Variants in WDFY3 observed in about 807,000 individuals in gnomAD.
WDFY3 encodes the protein WD repeat and FYVE domain containing 3.
A neutral mutation model predicts 409.6 loss-of-function variants in WDFY3; 66 were observed. That is an observed-to-expected ratio of 0.16 (90% CI 0.13 to 0.20). The LOEUF (loss-of-function observed/expected upper bound fraction) is 0.20, where lower values mean the gene tolerates loss of function less well. Among genes scored for constraint, WDFY3 ranks in the 10% least tolerant of loss-of-function variants. The probability of loss-of-function intolerance (pLI) is 1.00; values close to 1 mark genes in which losing one functional copy is unlikely to be tolerated. For missense variants in WDFY3, 3,031 were observed against 4,298.1 expected, an observed-to-expected ratio of 0.71 and a Z score of 8.24; for synonymous variants, 1,521 against 1,537.1, an observed-to-expected ratio of 0.99 and a Z score of 0.25.
chr4:84,703,012 C>A (rs1198614332), intron 55 of WDFY3, among the ~76,000 whole-genome samples: 1 of 151,830 alleles, frequency 6.6e-6, no homozygotes, highest in Admixed American at 6.5e-5. Context: ...AGGAGAATGG[C>A]ATGAACCCCA....
intron 1 of WDFY3, among the ~76,000 whole-genome samples, chr4:84,933,954 T>G (rs1338770127): frequency 1.3e-5 from 2 of 152,144 alleles, no homozygotes; most frequent in African/African-American, 4.8e-5. Flanking sequence ...CATCCGAATC[T>G]TGGTTATTGG....
intron 5 of WDFY3, among the ~76,000 whole-genome samples, chr4:84,849,090 A>G (rs1178230487): frequency 2.0e-5 from 3 of 152,176 alleles, no homozygotes; most frequent in Non-Finnish European, 2.9e-5. Context: ...TTTTTTATAA[A>G]GCTGCTGGAA....
chr4:84,788,970 A>C (rs1748006541), intron 22 of WDFY3, among the ~76,000 whole-genome samples: 1 of 152,194 alleles, frequency 6.6e-6, no homozygotes, highest in African/African-American at 2.4e-5. Flanking sequence ...CGGTGAGCTG[A>C]GATCGTGCCA....
chr4:84,691,639 A>C lies in WDFY3; in HGVS notation c.9196T>G (p.Ser3066Ala). 1.2e-6 allele frequency: 2 copies of C among 1,613,564 alleles called. No individual in the cohort carries two copies. Among genetic ancestry groups the C allele is most frequent in the Non-Finnish European group, 1.7e-6 (2 of 1,179,776 alleles). ...DLSCRLGTYESDKAMTVYECL... is the reference protein window; with the variant it reads ...DLSCRLGTYEADKAMTVYECL... ...CAGGAAATAATGCAAACCTTGTCTG[A>C]CTCATAGGTTCCCAGTCTGCAACTG... The change falls in exon 60 of 68, where the codon TCA becomes GCA. Residue 3066 changes from serine (S) to alanine (A), a missense_variant. By Grantham distance (99) the Ser-to-Ala change is moderately conservative. Transcript: ENST00000295888.
chr4:84,962,435 G>C (rs1775032178), intron 1 of WDFY3, among the ~76,000 whole-genome samples: 1 of 152,108 alleles, frequency 6.6e-6, no homozygotes, highest in Non-Finnish European at 1.5e-5. Flanking sequence ...TGCCAGACGA[G>C]ATAAAACTTT....
intron 4 of WDFY3, among the ~76,000 whole-genome samples, chr4:84,851,429 AT>A (rs1363183039): frequency 6.6e-6 from 1 of 152,160 alleles, no homozygotes; most frequent in Non-Finnish European, 1.5e-5. Context: ...CTCCCTAAAT[AT>A]GGTTGTTTAT....
intron 26 of WDFY3, among the ~76,000 whole-genome samples, chr4:84,779,151 C>G (rs1351711660): frequency 6.6e-6 from 1 of 151,992 alleles, no homozygotes; most frequent in African/African-American, 2.4e-5. Flanking sequence ...TCTCTTATTA[C>G]TGGTATATCT....
At chr4:84,894,335 A>G (rs1300543568) in intron 3 of WDFY3, among the ~76,000 whole-genome samples, 2 of 152,196 alleles carry the variant, frequency 1.3e-5, no homozygotes, top group African/African-American at 4.8e-5. Flanking sequence ...CATGAAAAGT[A>G]TTCTGAATCA....
intron 62 of WDFY3, among the ~76,000 whole-genome samples, chr4:84,686,608 G>A (rs1400856873): frequency 6.6e-6 from 1 of 152,102 alleles, no homozygotes; most frequent in Admixed American, 6.5e-5. Context: ...GTCACTCAAT[G>A]ACATGGCTAG....
intron 6 of WDFY3, among the ~76,000 whole-genome samples, chr4:84,838,701 G>A (rs1756927027): frequency 1.3e-5 from 2 of 152,130 alleles, no homozygotes; most frequent in South Asian, 4.1e-4. Flanking sequence ...TAAACCTTTT[G>A]TTCTATTCAT....
intron 11 of WDFY3, among the ~76,000 whole-genome samples, chr4:84,820,389 G>A (rs781309949): frequency 2.6e-5 from 4 of 151,878 alleles, no homozygotes; most frequent in African/African-American, 9.7e-5. Flanking sequence ...ATTTTATTTC[G>A]GTATGCTTGC....
chr4:84,771,362 T>A (rs763838689), intron 30 of WDFY3, among the ~76,000 whole-genome samples: 3 of 152,202 alleles, frequency 2.0e-5, no homozygotes, highest in Admixed American at 6.5e-5. Context: ...GGTCTTGAAT[T>A]CCTGGACTCA....
chr4:84,674,850 A>G (rs1414463094), intron 67 of WDFY3, among the ~76,000 whole-genome samples: 2 of 152,012 alleles, frequency 1.3e-5, no homozygotes, highest in East Asian at 3.9e-4. Flanking sequence ...CCTGGGTGAC[A>G]GAGTGAGACT....
chr4:84,702,868 G>A (rs1399352955), intron 55 of WDFY3, among the ~76,000 whole-genome samples: 11 of 152,078 alleles, frequency 7.2e-5, no homozygotes, highest in Admixed American at 1.3e-4. Flanking sequence ...AGGCCGAGGC[G>A]GGCGGATCAC....
chr4:84,826,421 C>T (rs904567471), intron 10 of WDFY3, among the ~76,000 whole-genome samples: 1 of 152,058 alleles, frequency 6.6e-6, no homozygotes, highest in Non-Finnish European at 1.5e-5. Context: ...TGGAACCAAT[C>T]CCCCACAGAT....
chr4:84,752,400 C>G (rs2149302745), intron 35 of WDFY3, among the ~76,000 whole-genome samples: 1 of 152,082 alleles, frequency 6.6e-6, no homozygotes, highest in South Asian at 2.1e-4. Context: ...CCTGTAATCT[C>G]AGCTACTCAG....
intron 14 of WDFY3, chr4:84,809,057 G>A (rs1752025140): frequency 6.6e-6 from 1 of 152,118 alleles, no homozygotes; most frequent in South Asian, 2.1e-4. Flanking sequence ...TTTATTTTAT[G>A]TAGTAAAACT....
intron 14 of WDFY3, 47 bp downstream of exon 14, chr4:84,809,840 A>T: frequency 3.9e-6 from 6 of 1,520,568 alleles, no homozygotes; most frequent in Non-Finnish European, 5.4e-6. Context: ...TGTTGAAGTC[A>T]TGCTTAGTAT....
At chr4:84,871,801 A>AT (rs1253922890) in intron 3 of WDFY3, among the ~76,000 whole-genome samples, 2 of 152,010 alleles carry the variant, frequency 1.3e-5, no homozygotes, top group East Asian at 1.9e-4. Context: ...CGGCCAGTTA[A>AT]TTTTTGTATT....
Sources: allele counts gnomAD v4.1 joint callset (sites outside exome capture counted in the v4.1 genomes callset), GRCh38; gene constraint gnomAD v4.1.1; transcripts MANE v1.5; gene names NCBI Gene and HGNC (gene_info 2026-07-23, HGNC 2026-07-21).